Variants in DOCK1 observed in about 807,000 individuals in gnomAD.
DOCK1 encodes dedicator of cytokinesis 1.
Under a neutral mutation model 262.7 loss-of-function variants are expected in DOCK1, and 138 were observed. That is an observed-to-expected ratio of 0.53 (90% confidence interval 0.46 to 0.61). The LOEUF (loss-of-function observed/expected upper bound fraction) is 0.61, where lower values mean the gene tolerates loss of function less well. DOCK1 is among the 20% of genes least tolerant of loss of function. The pLI is 0.00. For missense variants in DOCK1, 1,908 were observed against 2,370.7 expected, an observed-to-expected ratio of 0.80 and a Z score of 4.05; for synonymous variants, 866 against 867.4, an observed-to-expected ratio of 1.00 and a Z score of 0.03.
chr10:127,290,673 A>G (rs1305917332), intron 29 of DOCK1, among the ~76,000 whole-genome samples: 1 of 152,208 alleles, frequency 6.6e-6, no homozygotes, highest in Non-Finnish European at 1.5e-5. Flanking sequence ...AAATGGGCTC[A>G]TACAGTAGGT....
intron 27 of DOCK1, among the ~76,000 whole-genome samples, chr10:127,172,760 T>G (rs1476432858): frequency 6.6e-6 from 1 of 152,154 alleles, no homozygotes. Context: ...GATTTTAAAG[T>G]AAAACCATCC....
chr10:126,979,555 T>C (rs2038797011), intron 3 of DOCK1, among the ~76,000 whole-genome samples: 1 of 152,070 alleles, frequency 6.6e-6, no homozygotes, highest in Admixed American at 6.6e-5. Flanking sequence ...TCTTACTTGG[T>C]ATTTGTTATC....
At chr10:127,255,752 G>A (rs1349915376) in intron 28 of DOCK1, among the ~76,000 whole-genome samples, 2 of 152,194 alleles carry the variant, frequency 1.3e-5, no homozygotes, top group African/African-American at 2.4e-5. Flanking sequence ...TAATAAAAAC[G>A]AGAGGCTGTA....
chr10:127,419,476 C>G (rs1252527028), intron 45 of DOCK1, among the ~76,000 whole-genome samples, 190 bp from the exon 46 acceptor site: 2 of 152,226 alleles, frequency 1.3e-5, no homozygotes, highest in Non-Finnish European at 2.9e-5. Context: ...GTTAGCTCCA[C>G]TTACAGTGTT....
intron 27 of DOCK1, chr10:127,146,022 A>G (rs779795335): frequency 3.9e-6 from 2 of 518,126 alleles, no homozygotes; most frequent in South Asian, 1.4e-5. Context: ...TCTATTCCCC[A>G]TGGAATTTCA....
chr10:127,392,148 GC>G (rs2134203573), intron 38 of DOCK1, among the ~76,000 whole-genome samples: 1 of 151,940 alleles, frequency 6.6e-6, no homozygotes, highest in African/African-American at 2.4e-5. Flanking sequence ...CATGACAGCT[GC>G]CTTCCTGCCT....
chr10:127,272,739 GT>G (rs2060613586), intron 29 of DOCK1, among the ~76,000 whole-genome samples: 1 of 152,206 alleles, frequency 6.6e-6, no homozygotes, highest in Admixed American at 6.5e-5. Context: ...AAAAGAAAGA[GT>G]TTATTGGACT....
At position 127,404,185 on chromosome 10, in the gene DOCK1, C is replaced by G. The variant is rs2067380226; in HGVS notation, c.4018-140C>G. The G allele has an allele frequency of 4.8e-6, 3 of 622,008 alleles. No homozygotes were observed. In the East Asian group the frequency reaches 8.3e-5, roughly 17 times the overall value. The allele number at this position is 622,008 out of a possible 1,614,324, so 38.5% of individuals were successfully genotyped here. On this transcript the variant is annotated intron_variant, in intron 39 of 51. Transcript: ENST00000623213. Reference sequence around the variant, plus strand: ...TCAGGTGCAAGCCTCAGTACCCTCTCCCACCATCTCCCTCTCCCACCATCT... The same window carrying G: ...TCAGGTGCAAGCCTCAGTACCCTCTGCCACCATCTCCCTCTCCCACCATCT...
chr10:127,354,796 TTCA>T (rs2064059443), intron 32 of DOCK1, 69 bp downstream of exon 32: 2 of 1,587,686 alleles, frequency 1.3e-6, no homozygotes, highest in Admixed American at 1.7e-5. Context: ...ACTGGCCGTG[TTCA>T]TCAGTGTTGG....
chr10:127,078,185 G>A (rs185022736), intron 23 of DOCK1, among the ~76,000 whole-genome samples: 13 of 152,204 alleles, frequency 8.5e-5, no homozygotes, highest in African/African-American at 2.9e-4. Context: ...AGACATAGGA[G>A]GAGAAATGGG....
chr10:127,251,066 G>A (rs150340056), intron 28 of DOCK1, among the ~76,000 whole-genome samples: 3 of 151,532 alleles, frequency 2.0e-5, no homozygotes, highest in East Asian at 2.0e-4. Context: ...GGGTTCAAGC[G>A]ATTCTCCTGC....
intron 22 of DOCK1, among the ~76,000 whole-genome samples, chr10:127,055,044 C>G (rs992126825): frequency 6.6e-6 from 1 of 152,106 alleles, no homozygotes; most frequent in Non-Finnish European, 1.5e-5. Context: ...GGCACAAAAT[C>G]TTAGATTCAT....
intron 23 of DOCK1, among the ~76,000 whole-genome samples, chr10:127,077,981 G>A (rs1293627514): frequency 6.6e-6 from 1 of 152,082 alleles, no homozygotes; most frequent in Non-Finnish European, 1.5e-5. Context: ...GAGCCCAGGG[G>A]CAGGAGTGGA....
chr10:127,427,462 T>G (rs2068893101), intron 47 of DOCK1, among the ~76,000 whole-genome samples: 1 of 152,202 alleles, frequency 6.6e-6, no homozygotes, highest in Non-Finnish European at 1.5e-5. Flanking sequence ...GCCAGGGACC[T>G]TCCTAAGTGC....
intron 49 of DOCK1, among the ~76,000 whole-genome samples, chr10:127,439,887 A>G (rs1373213444): frequency 6.6e-6 from 1 of 152,090 alleles, no homozygotes; most frequent in Non-Finnish European, 1.5e-5. Context: ...GAAACCCAGG[A>G]GCCGGCTCTC....
chr10:127,020,324 C>T (rs1341438141), intron 13 of DOCK1, among the ~76,000 whole-genome samples: 2 of 152,118 alleles, frequency 1.3e-5, no homozygotes, highest in Non-Finnish European at 2.9e-5. Context: ...TTAGGATGTC[C>T]TCATGTTCAA....
rs2134649124 is a variant in DOCK1 at position 127,433,158 on chromosome 10, G to C, written c.4915-125G>C. The stretch of plus-strand genomic sequence containing the variant: ...TCCACTCAGAACAAGAACATGTACT[G>C]TTTACAGAAGTCTGAACGATGATGG... On this transcript the variant is annotated intron_variant, in intron 47 of 51. Coordinates refer to ENST00000623213, the MANE Select transcript of DOCK1 (RefSeq NM_001290223.2). The C allele has an allele frequency of 3.0e-6, 4 of 1,353,940 alleles. No individual in the cohort carries two copies. The East Asian group carries it at 9.3e-5, about 31-fold the overall frequency. The allele number at this position is 1,353,940 out of a possible 1,614,324, so 83.9% of individuals were successfully genotyped here. A position where few individuals can be genotyped will look rare whatever the true frequency, so the allele number is the denominator to read the frequency against.
intron 32 of DOCK1, among the ~76,000 whole-genome samples, chr10:127,354,978 G>A (rs887751759): frequency 6.6e-6 from 1 of 152,222 alleles, no homozygotes; most frequent in African/African-American, 2.4e-5. Context: ...GTGTGGACAC[G>A]TGGCTTGGAG....
intron 27 of DOCK1, among the ~76,000 whole-genome samples, chr10:127,221,386 A>G (rs1282453142): frequency 6.6e-6 from 1 of 152,224 alleles, no homozygotes; most frequent in African/African-American, 2.4e-5. Context: ...GGAAACTAAC[A>G]TCAAGATCTT....
Sources: allele counts gnomAD v4.1 joint callset (sites outside exome capture counted in the v4.1 genomes callset), GRCh38; gene constraint gnomAD v4.1.1; transcripts MANE v1.5; gene names NCBI Gene and HGNC (gene_info 2026-07-23, HGNC 2026-07-21).